SNAI1: variants seen among roughly 807,000 people sequenced by gnomAD.
SNAI1 encodes the protein zinc finger protein SNAI1.
Under a neutral mutation model 24.7 loss-of-function variants are expected in SNAI1, and 15 were observed. The observed-to-expected ratio is 0.61, with a 90% CI of 0.41 to 0.93. The LOEUF (loss-of-function observed/expected upper bound fraction) is 0.93. Among genes scored for constraint, SNAI1 ranks in the 40% least tolerant of loss-of-function variants. SNAI1 has a pLI of 0.00. For missense variants in SNAI1, 283 were observed against 336.7 expected, an observed-to-expected ratio of 0.84 and a Z score of 1.25; for synonymous variants, 163 against 142.9, an observed-to-expected ratio of 1.14 and a Z score of -1.00.
At position 49,987,886 on chromosome 20, in the gene SNAI1, T is replaced by A. The variant is rs775763372; in HGVS notation, c.625T>A (p.Ser209Thr). 6.2e-6 allele frequency: 10 copies of A among 1,613,946 alleles called. No homozygotes were observed. Among genetic ancestry groups the A allele is most frequent in the Non-Finnish European group, 2.5e-6 (3 of 1,180,000 alleles). ...VRTHTGEKPF[S>T]CPHCSRAFAD... ...TCTCTCCCCAGGCGAGAAGCCCTTCTCCTGTCCCCACTGCAGCCGTGCCTT... is the reference window on the plus strand; with the variant it reads ...TCTCTCCCCAGGCGAGAAGCCCTTCACCTGTCCCCACTGCAGCCGTGCCTT... Residue 209 changes from serine (S) to threonine (T), a missense_variant, in exon 3 of 3, where the codon TCC becomes ACC. Coordinates refer to ENST00000244050, the MANE Select transcript of SNAI1 (RefSeq NM_005985.4).
At chr20:49,984,432 A>G (rs1333556784) in intron 2 of SNAI1, 81 bp downstream of exon 2, 1 of 1,361,730 alleles carries the variant, frequency 7.3e-7, no homozygotes, top group Admixed American at 2.5e-5. Flanking sequence ...TCATTCCCAA[A>G]GCTGTGGACA....
Sources: gnomAD v4.1 joint callset for allele counts on GRCh38, gnomAD v4.1.1 for gene constraint, MANE v1.5 for transcripts, NCBI Gene and HGNC (gene_info 2026-07-23, HGNC 2026-07-21) for gene names.